The following CHCHD6 variants were observed in gnomAD, a reference collection of about 807,000 sequenced individuals.
The protein encoded by CHCHD6 is coiled-coil-helix-coiled-coil-helix domain containing 6.
Under a neutral mutation model 32.3 loss-of-function variants are expected in CHCHD6, and 28 were observed. The observed-to-expected ratio is 0.87, with a 90% CI of 0.64 to 1.19. CHCHD6 has a LOEUF of 1.19. Among genes scored for constraint, CHCHD6 ranks in the 50% most tolerant of loss-of-function variants. CHCHD6 has a pLI of 0.00. For missense variants in CHCHD6, 333 were observed against 307.0 expected, an observed-to-expected ratio of 1.08 and a Z score of -0.63; for synonymous variants, 122 against 117.5, an observed-to-expected ratio of 1.04 and a Z score of -0.25.
chr3:126,760,583 A>G (rs1195845366), intron 4 of CHCHD6, among the ~76,000 whole-genome samples: 3 of 152,240 alleles, frequency 2.0e-5, no homozygotes, highest in African/African-American at 7.2e-5. Flanking sequence ...TATAAGTGGA[A>G]TCATAACAGT....
rs560943136 is a variant in CHCHD6, at chr3:126,812,772, T to C, written c.412-39875T>C. On this transcript the variant is annotated intron_variant, in intron 4 of 7. Coordinates refer to ENST00000290913, the MANE Select transcript of CHCHD6 (RefSeq NM_032343.3). ...CTTTAACTTTTATGACAATGCTTTTTGTGGAATACCTTTTCTTCTTTTCCC... is the reference window on the plus strand; with the variant it reads ...CTTTAACTTTTATGACAATGCTTTTCGTGGAATACCTTTTCTTCTTTTCCC... 1.5e-4 allele frequency among the ~76,000 whole-genome samples: 23 copies of C among 152,242 alleles called. No individual in the cohort carries two copies. The South Asian group carries it at 4.8e-3, about 32-fold the overall frequency.
At chr3:126,954,191 G>A (rs934669685) in intron 6 of CHCHD6, among the ~76,000 whole-genome samples, 3 of 152,136 alleles carry the variant, frequency 2.0e-5, no homozygotes, top group Admixed American at 6.5e-5. Flanking sequence ...ATGGTCCCAC[G>A]GGCGATACTG....
chr3:126,913,841 C>G (rs1334293866), intron 5 of CHCHD6, among the ~76,000 whole-genome samples: 1 of 152,218 alleles, frequency 6.6e-6, no homozygotes, highest in Non-Finnish European at 1.5e-5. Flanking sequence ...GGACCTGGGC[C>G]TTTGTGGCCT....
intron 4 of CHCHD6, among the ~76,000 whole-genome samples, chr3:126,746,694 C>T (rs888330237): frequency 1.3e-5 from 2 of 152,236 alleles, no homozygotes; most frequent in Admixed American, 6.5e-5. Context: ...GAATTTCAAG[C>T]AGCCGCGAGG....
Position 126,820,244 on chromosome 3 carries a change from CAT to C in CHCHD6, c.412-32402_412-32401del, listed in dbSNP as rs77784366. 1.8e-3 allele frequency among the ~76,000 whole-genome samples: 272 copies of C among 152,332 alleles called. 6 individuals carry two copies. The East Asian group carries it at 0.05, about 28-fold the overall frequency. Reference sequence around the variant, plus strand: ...TATTTTATTGAGGTATAACAGTAAACATGTAAATTTTAAGTCACCAGGTCTGC... The same window carrying C: ...TATTTTATTGAGGTATAACAGTAAACGTAAATTTTAAGTCACCAGGTCTGC... On this transcript the variant is annotated intron_variant, in intron 4 of 7. Transcript: ENST00000290913.
chr3:126,960,357 G>A lies in CHCHD6; in HGVS notation c.*156G>A, dbSNP rs758033702. On this transcript the variant is annotated 3_prime_UTR_variant, in exon 8 of 8. Transcript: ENST00000290913. ...CACGTGTTTAGGAAACAAAGTATGCGCTACTGTCTGAAAACAAATAAAGCA... is the reference window on the plus strand; with the variant it reads ...CACGTGTTTAGGAAACAAAGTATGCACTACTGTCTGAAAACAAATAAAGCA... 175 of 792,714 alleles carry A rather than the reference G, an allele frequency of 2.2e-4. No individual in the cohort carries two copies. Among genetic ancestry groups the A allele is most frequent in the Non-Finnish European group, 2.6e-4 (128 of 486,432 alleles). 49.1% of individuals were successfully genotyped at this position (792,714 alleles called of 1,614,324 possible).
At chr3:126,778,945 T>C (rs1576405090) in intron 4 of CHCHD6, among the ~76,000 whole-genome samples, 1 of 151,276 alleles carries the variant, frequency 6.6e-6, no homozygotes, top group African/African-American at 2.4e-5. Flanking sequence ...TTTTTTTTTT[T>C]TGGTAGAGAG....
intron 4 of CHCHD6, among the ~76,000 whole-genome samples, chr3:126,807,354 A>G (rs964760451): frequency 6.6e-6 from 1 of 152,194 alleles, no homozygotes. Context: ...TATTGAATTC[A>G]TAAAATAAGA....
intron 1 of CHCHD6, among the ~76,000 whole-genome samples, chr3:126,708,209 C>G (rs1934587380): frequency 6.6e-6 from 1 of 152,208 alleles, no homozygotes; most frequent in South Asian, 2.1e-4. Flanking sequence ...AGCATCACCC[C>G]AGAAATTCCA....
At chr3:126,921,510 GT>G (rs11318628) in intron 6 of CHCHD6, among the ~76,000 whole-genome samples, 90,941 of 151,990 alleles carry the variant, frequency 0.6, 28,518 homozygotes, top group Non-Finnish European at 0.7. Flanking sequence ...ACAACCTTCA[GT>G]CTGCTTCCCG....
intron 5 of CHCHD6, among the ~76,000 whole-genome samples, chr3:126,877,677 C>A (rs1359612490): frequency 6.6e-6 from 1 of 152,122 alleles, no homozygotes; most frequent in East Asian, 1.9e-4. Flanking sequence ...GTTAGGTAGA[C>A]CAGCTGCATC....
At chr3:126,949,596 C>T (rs1424089533) in intron 6 of CHCHD6, 2 of 163,868 alleles carry the variant, frequency 1.2e-5, no homozygotes, top group African/African-American at 5.3e-5. Context: ...GGACTGCCGC[C>T]GTGGACGGAA....
At chr3:126,865,951 A>G (rs1942274888) in intron 5 of CHCHD6, among the ~76,000 whole-genome samples, 2 of 152,156 alleles carry the variant, frequency 1.3e-5, no homozygotes, top group African/African-American at 4.8e-5. Flanking sequence ...TTGGCTGCAC[A>G]CCTGCGCTTT....
At chr3:126,713,274 C>G (rs1023605845) in intron 1 of CHCHD6, among the ~76,000 whole-genome samples, 1 of 152,200 alleles carries the variant, frequency 6.6e-6, no homozygotes, top group Admixed American at 6.5e-5. Flanking sequence ...CTCCCTTCCA[C>G]TGTGTTTTGT....
At chr3:126,901,010 C>T (rs549050219) in intron 5 of CHCHD6, among the ~76,000 whole-genome samples, 2 of 152,122 alleles carry the variant, frequency 1.3e-5, no homozygotes, top group African/African-American at 4.8e-5. Flanking sequence ...TGCAAACACC[C>T]CCCCCAGGCC....
chr3:126,792,268 A>G (rs1291930167), intron 4 of CHCHD6, among the ~76,000 whole-genome samples: 1 of 141,004 alleles, frequency 7.1e-6, no homozygotes, highest in Non-Finnish European at 1.5e-5. Context: ...CTAATATAGA[A>G]TATATTAGAA....
chr3:126,928,856 A>G (rs763834850), intron 6 of CHCHD6, among the ~76,000 whole-genome samples: 1 of 152,186 alleles, frequency 6.6e-6, no homozygotes, highest in Non-Finnish European at 1.5e-5. Flanking sequence ...AGAGTCATCT[A>G]ATCCAGTTAG....
At chr3:126,864,564 T>C (rs1204166230) in intron 5 of CHCHD6, among the ~76,000 whole-genome samples, 512 of 67,660 alleles carry the variant, frequency 7.6e-3, no homozygotes, top group Middle Eastern at 0.044. Context: ...TCCTCCTCCT[T>C]CTCCACCACC....
intron 4 of CHCHD6, among the ~76,000 whole-genome samples, chr3:126,796,181 A>T (rs1938783135): frequency 6.6e-6 from 1 of 152,106 alleles, no homozygotes; most frequent in Non-Finnish European, 1.5e-5. Context: ...CCCCATCTCT[A>T]TAAAAACATA....
Sources: gnomAD v4.1 joint callset for allele counts (sites outside exome capture counted in the v4.1 genomes callset) on GRCh38, gnomAD v4.1.1 for gene constraint, MANE v1.5 for transcripts, NCBI Gene and HGNC (gene_info 2026-07-23, HGNC 2026-07-21) for gene names.